The following WDFY3 variants were observed in gnomAD, a reference collection of about 807,000 sequenced individuals.
The protein encoded by WDFY3 is WD repeat and FYVE domain-containing protein 3.
A neutral mutation model predicts 409.6 loss-of-function variants in WDFY3; 66 were observed. That is an observed-to-expected ratio of 0.16 (90% CI 0.13 to 0.20). The LOEUF is 0.20. Ranked by LOEUF, WDFY3 falls within the 10% of genes least tolerant of loss-of-function variation. The probability of loss-of-function intolerance (pLI) is 1.00; values close to 1 mark genes in which losing one functional copy is unlikely to be tolerated. For synonymous variants in WDFY3, 1,521 were observed against 1,537.1 expected, an observed-to-expected ratio of 0.99 and a Z score of 0.25; for missense variants, 3,031 against 4,298.1, an observed-to-expected ratio of 0.71 and a Z score of 8.24.
At chr4:84,702,297 T>C in intron 56 of WDFY3, 56 bp downstream of exon 56, 1 of 1,487,000 alleles carries the variant, frequency 6.7e-7, no homozygotes, top group Admixed American at 2.4e-5. Flanking sequence ...AGTGACTTAT[T>C]TCTATTGGAC....
In WDFY3 at chr4:84,674,774, AG is replaced by A. The variant is rs1339696808; in HGVS notation, c.10458-1784del. Among the ~76,000 whole-genome samples the A allele has an allele frequency of 4.0e-5, 6 of 150,606 alleles. No homozygotes were observed. In the East Asian group the frequency reaches 1.0e-3, roughly 26 times the overall value. Reference sequence around the variant, plus strand: ...TCCCAGCTACTCAGGAAGCTGAGGTAGAAGAATCGCTTGAACCCAGGAGGCG... The same window carrying A: ...TCCCAGCTACTCAGGAAGCTGAGGTAAAGAATCGCTTGAACCCAGGAGGCG... On this transcript the variant is annotated intron_variant, in intron 67 of 67. Coordinates refer to ENST00000295888, the MANE Select transcript of WDFY3 (RefSeq NM_014991.6).
chr4:84,701,195 T>C (rs899210906), intron 56 of WDFY3, among the ~76,000 whole-genome samples: 1 of 152,250 alleles, frequency 6.6e-6, no homozygotes, highest in Non-Finnish European at 1.5e-5. Flanking sequence ...TCTATTCTTT[T>C]GGGAAAACCC....
intron 1 of WDFY3, among the ~76,000 whole-genome samples, chr4:84,940,810 A>G (rs1772016588): frequency 6.6e-6 from 1 of 152,082 alleles, no homozygotes; most frequent in African/African-American, 2.4e-5. Context: ...GCAACATATA[A>G]AAGGGGTATT....
At chr4:84,940,210 A>G (rs1771932690) in intron 1 of WDFY3, among the ~76,000 whole-genome samples, 1 of 152,086 alleles carries the variant, frequency 6.6e-6, no homozygotes, top group Admixed American at 6.6e-5. Flanking sequence ...AGTAAACCTA[A>G]TAGAATGAGT....
intron 5 of WDFY3, among the ~76,000 whole-genome samples, chr4:84,842,781 A>AAAAACAAAAC (rs1164374372): frequency 1.3e-5 from 2 of 152,236 alleles, no homozygotes; most frequent in Non-Finnish European, 2.9e-5. Context: ...ACTCCGTCTC[A>AAAAACAAAAC]AAAACAAAAC....
chr4:84,844,518 A>T (rs1166208430), intron 5 of WDFY3: 3 of 1,289,586 alleles, frequency 2.3e-6, no homozygotes, highest in African/African-American at 3.0e-5. Context: ...TTCTGTTTAA[A>T]AAAAAAGGCT....
chr4:84,687,304 G>A (rs951002042), intron 62 of WDFY3, among the ~76,000 whole-genome samples: 8 of 151,986 alleles, frequency 5.3e-5, no homozygotes, highest in East Asian at 1.9e-4. Flanking sequence ...CCACCAGCCC[G>A]GCTAATTTTT....
intron 6 of WDFY3, among the ~76,000 whole-genome samples, chr4:84,839,555 G>C (rs1306518162): frequency 6.7e-6 from 1 of 150,034 alleles, no homozygotes; most frequent in Non-Finnish European, 1.5e-5. Context: ...CTAATTCCCT[G>C]AGTTAAAAAA....
rs1738167494 is a variant in WDFY3 at position 84,740,237 on chromosome 4, T to C, written c.6414A>G (p.Gln2138=). ...AGTGGGCCAGACAGCTAATGAATTC[T>C]TGGTCATGGTTCCCAGGTCCCAGGA... The part of the protein sequence containing the change: ...NLILGPGNHD[Q]EFISCLAHCL... The change falls in exon 39 of 68, where the codon CAA becomes CAG. Residue 2138 remains glutamine, a synonymous_variant. Coordinates refer to ENST00000295888, the MANE Select transcript of WDFY3 (RefSeq NM_014991.6). 1 of 1,614,128 alleles carries C rather than the reference T, an allele frequency of 6.2e-7. No homozygotes were observed. Among genetic ancestry groups the C allele is most frequent in the Non-Finnish European group, 8.5e-7 (1 of 1,180,026 alleles).
At chr4:84,680,009 G>C (rs995865891) in intron 64 of WDFY3, among the ~76,000 whole-genome samples, 4 of 151,818 alleles carry the variant, frequency 2.6e-5, no homozygotes, top group Admixed American at 2.0e-4. Context: ...TCCTGCCTCA[G>C]CCTTGGAAGT....
chr4:84,807,546 A>G (rs1287711224), intron 15 of WDFY3, among the ~76,000 whole-genome samples: 4 of 152,216 alleles, frequency 2.6e-5, no homozygotes, highest in Non-Finnish European at 5.9e-5. Context: ...ATTTTTTAAA[A>G]GCCTCAATGA....
At chr4:84,924,141 G>A (rs964509332) in intron 2 of WDFY3, among the ~76,000 whole-genome samples, 1 of 152,042 alleles carries the variant, frequency 6.6e-6, no homozygotes, top group African/African-American at 2.4e-5. Context: ...AGAGATTAAA[G>A]GAATCTTTTT....
At chr4:84,828,771 T>C (rs1755232349) in intron 9 of WDFY3, among the ~76,000 whole-genome samples, 1 of 152,152 alleles carries the variant, frequency 6.6e-6, no homozygotes, top group African/African-American at 2.4e-5. Flanking sequence ...TGGTGGTACG[T>C]GCCTGTAGTC....
chr4:84,780,637 G>A (rs934437659), intron 25 of WDFY3, among the ~76,000 whole-genome samples: 4 of 152,092 alleles, frequency 2.6e-5, no homozygotes, highest in South Asian at 2.1e-4. Context: ...GGTTGCACGC[G>A]CCTACAATCT....
rs369007390 is a variant in WDFY3 at position 84,752,885 on chromosome 4, A to C, written c.5739+812T>G. Among the ~76,000 whole-genome samples the C allele has an allele frequency of 1.7e-4, 26 of 152,308 alleles. No homozygotes were observed. The East Asian group carries it at 4.6e-3, about 27-fold the overall frequency. On this transcript the variant is annotated intron_variant, in intron 35 of 67. Transcript: ENST00000295888. ...TTTTATGTTTACAGTTTATTAGCTA[A>C]TCAACATCAACGTGCAAAAGTAAGT...
intron 30 of WDFY3, among the ~76,000 whole-genome samples, chr4:84,770,169 C>T (rs1744414078): frequency 6.6e-6 from 1 of 151,852 alleles, no homozygotes; most frequent in South Asian, 2.1e-4. Flanking sequence ...GCTGGGACCA[C>T]AGGCGCCCAC....
chr4:84,763,339 A>G (rs1422781778), intron 32 of WDFY3, among the ~76,000 whole-genome samples: 1 of 151,892 alleles, frequency 6.6e-6, no homozygotes, highest in Non-Finnish European at 1.5e-5. Flanking sequence ...ATGAGAACAC[A>G]TGGACACAGG....
chr4:84,696,921 T>C (rs1730247248), intron 56 of WDFY3, 98 bp from the exon 57 acceptor site: 2 of 1,005,968 alleles, frequency 2.0e-6, no homozygotes, highest in South Asian at 2.9e-5. Context: ...TTAGATTCAA[T>C]ACCAGAACGC....
At chr4:84,855,624 T>C (rs1759654247) in intron 4 of WDFY3, among the ~76,000 whole-genome samples, 1 of 152,170 alleles carries the variant, frequency 6.6e-6, no homozygotes, top group Non-Finnish European at 1.5e-5. Flanking sequence ...TTTTTAAAAA[T>C]GGAGGCTTTT....
Sources: allele counts gnomAD v4.1 joint callset (sites outside exome capture counted in the v4.1 genomes callset), GRCh38; gene constraint gnomAD v4.1.1; transcripts MANE v1.5; gene names NCBI Gene and HGNC (gene_info 2026-07-23, HGNC 2026-07-21).